CSNK1G2: variants seen among roughly 807,000 people sequenced by gnomAD.
CSNK1G2 encodes casein kinase 1 gamma 2.
A neutral mutation model predicts 48.0 loss-of-function variants in CSNK1G2; 11 were observed. The ratio of observed to expected loss-of-function variants is 0.23; its 90% CI spans 0.14 to 0.38. CSNK1G2 has a LOEUF of 0.38. Among genes scored for constraint, CSNK1G2 ranks in the 10% least tolerant of loss-of-function variants. The probability of loss-of-function intolerance (pLI) is 1.00; values close to 1 mark genes in which losing one functional copy is unlikely to be tolerated. For synonymous variants in CSNK1G2, 337 were observed against 254.1 expected (o/e 1.33, Z -3.10); for missense variants, 446 against 595.5 (o/e 0.75, Z 2.61).
chr19:1,967,868 C>CTCT lies in CSNK1G2; in HGVS notation c.-265-1640_-265-1639insTCT, dbSNP rs1376331842. Among the ~76,000 whole-genome samples, 23 of 40,882 alleles carry CTCT rather than the reference C, an allele frequency of 5.6e-4. 2 individuals carry two copies. Among genetic ancestry groups the CTCT allele is most frequent in the African/African-American group, 2.0e-3 (20 of 9,880 alleles). 26.8% of individuals were successfully genotyped at this position (40,882 alleles called of 152,430 possible). A position where few individuals can be genotyped will look rare whatever the true frequency, so the allele number is the denominator to read the frequency against. On this transcript the variant is annotated intron_variant, in intron 1 of 11. Coordinates refer to ENST00000255641, the MANE Select transcript of CSNK1G2 (RefSeq NM_001319.7). ...TGGGGCTCCTCCCTCCTCCCTTCTC[C>CTCT]CCAGGCTGCCCCCGACCACCCTTCA...
chr19:1,942,201 A>G (rs1036635017), intron 1 of CSNK1G2, among the ~76,000 whole-genome samples: 4 of 151,742 alleles, frequency 2.6e-5, no homozygotes, highest in South Asian at 2.1e-4. Flanking sequence ...TCAGGGAGGG[A>G]GGGTGAGATG....
intron 1 of CSNK1G2, among the ~76,000 whole-genome samples, chr19:1,945,411 C>T (rs1174341014): frequency 6.6e-6 from 1 of 152,226 alleles, no homozygotes; most frequent in African/African-American, 2.4e-5. Context: ...TCGGGGCAGC[C>T]CCCTGCCAGC....
chr19:1,948,948 T>C (rs534094674), intron 1 of CSNK1G2, among the ~76,000 whole-genome samples: 2 of 152,172 alleles, frequency 1.3e-5, no homozygotes, highest in Admixed American at 6.5e-5. Context: ...CTGTTTGCTC[T>C]TCACGCAGTG....
intron 2 of CSNK1G2, among the ~76,000 whole-genome samples, chr19:1,971,804 C>T (rs913125411): frequency 2.1e-5 from 3 of 144,136 alleles, no homozygotes; most frequent in East Asian, 2.0e-4. Flanking sequence ...GAGTCTCGCT[C>T]GGTCACCCAG....
chr19:1,969,865 G>GAGCTCGGGGACC lies in CSNK1G2; in HGVS notation c.103_114dup (p.Thr35_Gly38dup). 7.6e-7 allele frequency: 1 copy of GAGCTCGGGGACC among 1,311,900 alleles called. No individual in the cohort carries two copies. The highest frequency in any genetic ancestry group is 9.8e-7 in the Non-Finnish European group (1 of 1,021,588). The allele number at this position is 1,311,900 out of a possible 1,614,324, so 81.3% of individuals were successfully genotyped here. A position where few individuals can be genotyped will look rare whatever the true frequency, so the allele number is the denominator to read the frequency against. On this transcript the variant is annotated inframe_insertion, in exon 2 of 12. Coordinates refer to ENST00000255641, the MANE Select transcript of CSNK1G2 (RefSeq NM_001319.7). Reference sequence around the variant, plus strand: ...GGGGCCGGAGCAGCCACGGCATCCGGAGCTCGGGGACCAGCTCGGGGGTCC... The same window carrying GAGCTCGGGGACC: ...GGGGCCGGAGCAGCCACGGCATCCGGAGCTCGGGGACCAGCTCGGGGACCAGCTCGGGGGTCC...
At chr19:1,949,467 G>A (rs1599284330) in intron 1 of CSNK1G2, among the ~76,000 whole-genome samples, 8 of 152,356 alleles carry the variant, frequency 5.3e-5, no homozygotes, top group South Asian at 2.1e-4. Context: ...GCCATGGCCC[G>A]CGTCCGAGTC....
At position 1,971,766 on chromosome 19, in the gene CSNK1G2, CTT is replaced by C. The variant is rs60024174; in HGVS notation, c.187+1827_187+1828del. ...ATGAGAGTGACGTGGGTGATGCCAGCTTTTTTTTTTTTTTTTTTTTTGAGACG... is the reference window on the plus strand; with the variant it reads ...ATGAGAGTGACGTGGGTGATGCCAGCTTTTTTTTTTTTTTTTTTTGAGACG... On this transcript the variant is annotated intron_variant, in intron 2 of 11. Transcript: ENST00000255641. Among the ~76,000 whole-genome samples, 537 of 116,132 alleles carry C rather than the reference CTT, an allele frequency of 4.6e-3. 2 individuals are homozygous for C. Among genetic ancestry groups the C allele is most frequent in the African/African-American group, 0.017 (494 of 28,284 alleles). The allele number at this position is 116,132 out of a possible 152,430, so 76.2% of individuals were successfully genotyped here.
At position 1,980,458 on chromosome 19, in the gene CSNK1G2, A is replaced by C. The variant is rs2015947601; in HGVS notation, c.*255A>C. The C allele has an allele frequency of 3.6e-6, 2 of 548,838 alleles. No homozygotes were observed. Among genetic ancestry groups the C allele is most frequent in the African/African-American group, 1.9e-5 (1 of 51,708 alleles). 34.0% of individuals were successfully genotyped at this position (548,838 alleles called of 1,614,324 possible). On this transcript the variant is annotated 3_prime_UTR_variant, in exon 12 of 12. Coordinates refer to ENST00000255641, the MANE Select transcript of CSNK1G2 (RefSeq NM_001319.7). ...CCCCTCCAAGAGCATTAACTATTTA[A>C]AACAAGGAAAAGAGGAAAAAAAAAA...
At chr19:1,968,023 GGCTCCTCC>G (rs1282783859) in intron 1 of CSNK1G2, among the ~76,000 whole-genome samples, 1 of 47,840 alleles carries the variant, frequency 2.1e-5, no homozygotes, top group Admixed American at 2.0e-4. Context: ...TGCAGGTGGG[GGCTCCTCC>G]CTCCTCCCCA....
intron 1 of CSNK1G2, among the ~76,000 whole-genome samples, chr19:1,968,464 G>C (rs2015453989): frequency 1.3e-5 from 2 of 152,222 alleles, no homozygotes; most frequent in Admixed American, 6.5e-5. Flanking sequence ...AGCCGGGGCT[G>C]GCTGGCCCCC....
Position 1,961,018 on chromosome 19 carries a change from C to T in CSNK1G2, c.-265-8490C>T, listed in dbSNP as rs1016122562. ...AGGTGTGGGCCGGTGTGCGGCGGGG[C>T]GTGGGCAGAGGAGAGGCTTCGGGCT... On this transcript the variant is annotated intron_variant, in intron 1 of 11. Coordinates refer to ENST00000255641, the MANE Select transcript of CSNK1G2 (RefSeq NM_001319.7). 7.2e-5 allele frequency among the ~76,000 whole-genome samples: 11 copies of T among 152,216 alleles called. No individual in the cohort carries two copies. In the East Asian group the frequency reaches 1.3e-3, roughly 19 times the overall value.
chr19:1,978,672 G>A lies in CSNK1G2; in HGVS notation c.369G>A (p.Gly123=). The A allele has an allele frequency of 6.2e-7, 1 of 1,606,638 alleles. No homozygotes were observed. The highest frequency in any genetic ancestry group is 8.5e-7 in the Non-Finnish European group (1 of 1,176,956). Residue 123 remains glycine, a synonymous_variant, in exon 5 of 12, where the codon GGG becomes GGA. Coordinates refer to ENST00000255641, the MANE Select transcript of CSNK1G2 (RefSeq NM_001319.7). The surrounding 1 kb of genome is among the most constrained non-coding windows in gnomAD (Gnocchi z 7.3). The part of the protein sequence containing the change: ...KYNAMVLELL[G]PSLEDLFDLC... The stretch of plus-strand genomic sequence containing the variant: ...ACGCCATGGTGCTGGAGCTGCTGGG[G>A]CCCAGCCTGGAGGACCTGTTCGACC...
chr19:1,944,209 C>G (rs970469256), intron 1 of CSNK1G2, among the ~76,000 whole-genome samples: 1 of 152,072 alleles, frequency 6.6e-6, no homozygotes, highest in Non-Finnish European at 1.5e-5. Flanking sequence ...CCCCATCCCG[C>G]GGATCTGCAG....
chr19:1,974,407 G>C (rs1381108103), intron 2 of CSNK1G2, among the ~76,000 whole-genome samples: 1 of 152,154 alleles, frequency 6.6e-6, no homozygotes, highest in Non-Finnish European at 1.5e-5. Flanking sequence ...CGAGGGCAGC[G>C]ACTCAGATCC....
At chr19:1,975,166 A>G (rs1166260710) in intron 2 of CSNK1G2, 1 of 985,472 alleles carries the variant, frequency 1.0e-6, no homozygotes. Flanking sequence ...AGAGCTTCAA[A>G]GGCCCGCCCA....
At chr19:1,972,881 C>T (rs1365491404) in intron 2 of CSNK1G2, among the ~76,000 whole-genome samples, 2 of 151,602 alleles carry the variant, frequency 1.3e-5, no homozygotes, top group Non-Finnish European at 1.5e-5. Context: ...GCCTCGGCCT[C>T]CCAAAGTGCT....
rs112061277 is a variant in CSNK1G2 at position 1,969,516 on chromosome 19, C to T, written c.-257C>T. ...CCTCTGTTTCTCTGCAGCTGTGAGC[C>T]GTGAGCTTTGAGGCGGTGGGATGTG... On this transcript the variant is annotated 5_prime_UTR_variant, in exon 2 of 12. Coordinates refer to ENST00000255641, the MANE Select transcript of CSNK1G2 (RefSeq NM_001319.7). 9 of 314,082 alleles carry T rather than the reference C, an allele frequency of 2.9e-5. 1 individual carries two copies. The highest frequency in any genetic ancestry group is 1.6e-4 in the South Asian group (1 of 6,240). The allele number at this position is 314,082 out of a possible 1,614,324, so 19.5% of individuals were successfully genotyped here.
chr19:1,944,403 G>C (rs892626599), intron 1 of CSNK1G2, among the ~76,000 whole-genome samples: 1 of 152,124 alleles, frequency 6.6e-6, no homozygotes, highest in Non-Finnish European at 1.5e-5. Flanking sequence ...GAAGTGGGTG[G>C]AGCGCCCATT....
At chr19:1,964,997 A>T (rs2015319730) in intron 1 of CSNK1G2, among the ~76,000 whole-genome samples, 2 of 150,870 alleles carry the variant, frequency 1.3e-5, no homozygotes, top group South Asian at 4.3e-4. Flanking sequence ...AACTGCTGGG[A>T]TTACAGGTGT....
Sources: allele counts gnomAD v4.1 joint callset (sites outside exome capture counted in the v4.1 genomes callset), GRCh38; gene constraint gnomAD v4.1.1; non-coding constraint Gnocchi (gnomAD v3.1); transcripts MANE v1.5; gene names NCBI Gene and HGNC (gene_info 2026-07-23, HGNC 2026-07-21).